Variants in PCLO observed in about 807,000 individuals in gnomAD.
PCLO encodes the protein protein piccolo.
A neutral mutation model predicts 427.5 loss-of-function variants in PCLO; 82 were observed. The observed-to-expected ratio is 0.19, with a 90% CI of 0.16 to 0.23. The LOEUF is 0.23. Among genes scored for constraint, PCLO ranks in the 10% least tolerant of loss-of-function variants. The pLI is 1.00. For synonymous variants in PCLO, 2,357 were observed against 2,155.4 expected, an observed-to-expected ratio of 1.09 and a Z score of -2.59; for missense variants, 6,239 against 6,115.9, an observed-to-expected ratio of 1.02 and a Z score of -0.67.
At chr7:82,784,991 C>T (rs1039416640) in intron 22 of PCLO, among the ~76,000 whole-genome samples, 6 of 152,078 alleles carry the variant, frequency 3.9e-5, no homozygotes, top group Non-Finnish European at 8.8e-5. Flanking sequence ...AACTGGAAAA[C>T]ATTTCTTTAC....
chr7:82,977,339 T>C (rs1366033905), intron 3 of PCLO, among the ~76,000 whole-genome samples: 1 of 151,230 alleles, frequency 6.6e-6, no homozygotes, highest in Non-Finnish European at 1.5e-5. Context: ...TTTTCCTTTT[T>C]CTGTTTTTTC....
At chr7:82,813,941 T>A (rs959964538) in intron 20 of PCLO, among the ~76,000 whole-genome samples, 1 of 151,836 alleles carries the variant, frequency 6.6e-6, no homozygotes, top group Non-Finnish European at 1.5e-5. Flanking sequence ...GTTATGCCAA[T>A]ACAATTAATT....
At chr7:83,007,281 T>C (rs1787969759) in intron 3 of PCLO, among the ~76,000 whole-genome samples, 1 of 151,466 alleles carries the variant, frequency 6.6e-6, no homozygotes, top group Non-Finnish European at 1.5e-5. Context: ...AAATGCAAAA[T>C]GATGTCTTGA....
intron 3 of PCLO, among the ~76,000 whole-genome samples, chr7:83,000,722 T>C (rs1787801926): frequency 6.6e-6 from 1 of 152,056 alleles, no homozygotes; most frequent in Non-Finnish European, 1.5e-5. Context: ...GGCCAGTCTG[T>C]TACCCAGGGG....
intron 22 of PCLO, among the ~76,000 whole-genome samples, chr7:82,769,819 A>G (rs17156644): frequency 0.063 from 9,649 of 152,172 alleles, 715 homozygotes; most frequent in African/African-American, 0.18. Context: ...ATATTTAGCC[A>G]TGACAGTCTA....
rs1788981575 is a variant in PCLO at position 83,041,847 on chromosome 7, A to G, written c.3301-75360T>C. Among the ~76,000 whole-genome samples the G allele has an allele frequency of 2.0e-5, 3 of 152,290 alleles. No homozygotes were observed. The South Asian group carries it at 6.2e-4, about 32-fold the overall frequency. ...GACTTGGTCTACATTTTCTCATTAC[A>G]TACAACTAAATTTAATCAGAAAGTA... On this transcript the variant is annotated intron_variant, in intron 3 of 24. Transcript: ENST00000333891.
chr7:83,093,472 G>GTGTGTGTGTGTGTGTATATA (rs745824155), intron 3 of PCLO, among the ~76,000 whole-genome samples: 2 of 99,194 alleles, frequency 2.0e-5, no homozygotes, highest in African/African-American at 9.3e-5. Context: ...ATGTGTGTGT[G>GTGTGTGTGTGTGTGTATATA]TATAGATATA....
rs149804506 is a variant in PCLO at position 82,806,714 on chromosome 7, A to G, written c.14792-885T>C. ...TCACACCGATCTGGTTTTGACTCCC[A>G]ACCCACTCTTTAGCAACTGTACACT... On this transcript the variant is annotated intron_variant, in intron 20 of 24. Coordinates refer to ENST00000333891, the MANE Select transcript of PCLO (RefSeq NM_033026.6). 3.3e-3 allele frequency among the ~76,000 whole-genome samples: 497 copies of G among 152,302 alleles called. 4 individuals carry two copies. The highest frequency in any genetic ancestry group is 0.012 in the African/African-American group (480 of 41,576).
At chr7:82,886,058 A>AT (rs1250250497) in intron 9 of PCLO, among the ~76,000 whole-genome samples, 3 of 152,128 alleles carry the variant, frequency 2.0e-5, no homozygotes, top group Non-Finnish European at 4.4e-5. Context: ...TTGCAACCAA[A>AT]TAATAAAAGA....
At chr7:83,060,380 C>G (rs919063787) in intron 3 of PCLO, among the ~76,000 whole-genome samples, 1 of 152,130 alleles carries the variant, frequency 6.6e-6, no homozygotes, top group Non-Finnish European at 1.5e-5. Context: ...AAAAATGCCA[C>G]CTGACCTTGC....
At chr7:82,996,264 CTT>C (rs1267431783) in intron 3 of PCLO, among the ~76,000 whole-genome samples, 2 of 151,684 alleles carry the variant, frequency 1.3e-5, no homozygotes, top group East Asian at 1.9e-4. Context: ...TTTCAGTACT[CTT>C]GGGTATTTTC....
Position 82,845,275 on chromosome 7 carries a change from C to T in PCLO, c.14042G>A (p.Ser4681Asn). 1 of 1,612,484 alleles carries T rather than the reference C, an allele frequency of 6.2e-7. No individual in the cohort carries two copies. The highest frequency in any genetic ancestry group is 1.1e-5 in the South Asian group (1 of 91,030). ...PSVSKKKHGSSKPTDGTKVVS... is the reference protein window; with the variant it reads ...PSVSKKKHGSNKPTDGTKVVS... ...GGTCACATCAACAATCCTCACCTTGCTGCTGCCGTGCTTCTTTTTGCTCAC... is the reference window on the plus strand; with the variant it reads ...GGTCACATCAACAATCCTCACCTTGTTGCTGCCGTGCTTCTTTTTGCTCAC... Residue 4681 changes from serine to asparagine, a missense_variant, in exon 13 of 25, where the codon AGC becomes AAC. Transcript: ENST00000333891.
intron 3 of PCLO, among the ~76,000 whole-genome samples, chr7:82,982,049 T>C (rs1006093169): frequency 1.3e-5 from 2 of 152,166 alleles, no homozygotes; most frequent in East Asian, 1.9e-4. Flanking sequence ...AATGCATATG[T>C]AGAAACTACT....
intron 8 of PCLO, among the ~76,000 whole-genome samples, chr7:82,903,030 C>T (rs1282848762): frequency 6.6e-6 from 1 of 151,962 alleles, no homozygotes; most frequent in African/African-American, 2.4e-5. Context: ...ATGTTTGTTA[C>T]TACAGTAGTA....
In PCLO at chr7:82,882,246, G is replaced by A. The variant is rs1475617837; in HGVS notation, c.13529-2784C>T. 2.6e-5 allele frequency among the ~76,000 whole-genome samples: 4 copies of A among 152,032 alleles called. No homozygotes were observed. In the East Asian group the frequency reaches 7.7e-4, roughly 29 times the overall value. Reference sequence around the variant, plus strand: ...AATCTAACACCACTCCTCAAATCTAGAAAGCAGAATACCAATAGAATTTTT... The same window carrying A: ...AATCTAACACCACTCCTCAAATCTAAAAAGCAGAATACCAATAGAATTTTT... On this transcript the variant is annotated intron_variant, in intron 9 of 24. Transcript: ENST00000333891.
chr7:83,012,558 G>C (rs752960061), intron 3 of PCLO, among the ~76,000 whole-genome samples: 1 of 149,046 alleles, frequency 6.7e-6, no homozygotes, highest in Non-Finnish European at 1.5e-5. Flanking sequence ...CAGAGGTTGC[G>C]GTGAGCCGAG....
chr7:82,966,373 C>G lies in PCLO; in HGVS notation c.3415G>C (p.Val1139Leu), dbSNP rs370688882. Residue 1139 changes from valine (V) to leucine (L), a missense_variant, in exon 4 of 25, where the codon GTT (valine) becomes CTT (leucine). Around this residue, in one of 5 missense-constraint regions of PCLO, gnomAD observed 4,677 missense variants for 4,468.4 expected, o/e 1.05. Transcript: ENST00000333891. ...PSGPKASPMPVPTESSSQKTA... is the reference protein window; with the variant it reads ...PSGPKASPMPLPTESSSQKTA... ...TTCTGAGATGATGATTCTGTAGGAA[C>G]AGGCATAGGAGATGCTTTGGGTCCT... The G allele has an allele frequency of 6.2e-7, 1 of 1,613,762 alleles. No homozygotes were observed. The highest frequency in any genetic ancestry group is 2.2e-5 in the East Asian group (1 of 44,850).
intron 2 of PCLO, among the ~76,000 whole-genome samples, chr7:83,146,236 G>A (rs781701362): frequency 1.4e-4 from 22 of 152,054 alleles, no homozygotes; most frequent in African/African-American, 4.6e-4. Context: ...TATACTTTTC[G>A]GTGAATTCAT....
chr7:83,162,512 G>C lies in PCLO; in HGVS notation c.81C>G (p.Ser27Arg). The C allele has an allele frequency of 6.4e-7, 1 of 1,562,138 alleles. No individual in the cohort carries two copies. Among genetic ancestry groups the C allele is most frequent in the East Asian group, 2.4e-5 (1 of 41,586 alleles). ...AAAAAAGGGA[S>R]GAGSPSHTAI... ...CGGTGTGAGAGGGGCTCCCCGCCCCGCTAGCTCCTCCTCCAGCCGCTGCGG... is the reference window on the plus strand; with the variant it reads ...CGGTGTGAGAGGGGCTCCCCGCCCCCCTAGCTCCTCCTCCAGCCGCTGCGG... The change falls in exon 1 of 25, where the codon AGC becomes AGG. Residue 27 changes from serine (S) to arginine (R), a missense_variant. By Grantham distance (110) the Ser-to-Arg change is moderately radical. Transcript: ENST00000333891.
Sources: gnomAD v4.1 joint callset for allele counts (sites outside exome capture counted in the v4.1 genomes callset) on GRCh38, gnomAD v4.1.1 for gene constraint, gnomAD v4.1.1 regional missense constraint, MANE v1.5 for transcripts, NCBI Gene and HGNC (gene_info 2026-07-23, HGNC 2026-07-21) for gene names.